CFAP58: variants seen among roughly 807,000 people sequenced by gnomAD.
CFAP58 encodes cilia and flagella associated protein 58, also known as cilia- and flagella-associated protein 58.
A neutral mutation model predicts 119.5 loss-of-function variants in CFAP58; 88 were observed. The ratio of observed to expected loss-of-function variants is 0.74; its 90% CI spans 0.62 to 0.88. The LOEUF is 0.88. CFAP58 is among the 40% of genes least tolerant of loss of function. The probability of loss-of-function intolerance (pLI) is 0.00; values close to 1 mark genes in which losing one functional copy is unlikely to be tolerated. For missense variants in CFAP58, 990 were observed against 1,021.2 expected (o/e 0.97, Z 0.42); for synonymous variants, 365 against 366.3 (o/e 1.00, Z 0.04).
At chr10:104,338,669 G>C in the CFAP58 span, among the ~76,000 whole-genome samples, 1 of 152,132 alleles carries the variant, frequency 6.6e-6, no homozygotes, top group Admixed American at 6.5e-5. Context: ...CAGGCCAGTG[G>C]AGTAAACTGG....
intron 15 of CFAP58, among the ~76,000 whole-genome samples, chr10:104,435,991 C>T (rs561276431): frequency 1.3e-5 from 2 of 152,178 alleles, no homozygotes; most frequent in South Asian, 4.2e-4. Context: ...GAGTCATTTC[C>T]GACTCCTCCC....
chr10:104,357,808 T>TATGTACACATATACAC (rs2014566094), intron 1 of CFAP58, among the ~76,000 whole-genome samples: 1 of 137,284 alleles, frequency 7.3e-6, no homozygotes, highest in African/African-American at 3.4e-5. Flanking sequence ...TATACACACA[T>TATGTACACATATACAC]ATATATGTAC....
Position 104,392,263 on chromosome 10 carries a change from C to G in CFAP58, c.1396C>G (p.Arg466Gly). 1 of 1,611,142 alleles carries G rather than the reference C, an allele frequency of 6.2e-7. No individual in the cohort carries two copies. The change falls in exon 10 of 18, where the codon CGT becomes GGT. Residue 466 changes from arginine (R) to glycine (G), a missense_variant. By Grantham distance (125) the Arg-to-Gly change is moderately radical. Coordinates refer to ENST00000369704, the MANE Select transcript of CFAP58 (RefSeq NM_001008723.2). ...VLMNMEDIKV[R>G]ETQIFDYRKK... Reference sequence around the variant, plus strand: ...TATGAACATGGAAGACATAAAAGTTCGTGAAACACAGATTTTTGACTACAG... The same window carrying G: ...TATGAACATGGAAGACATAAAAGTTGGTGAAACACAGATTTTTGACTACAG...
chr10:104,404,273 C>T (rs1212523073), intron 14 of CFAP58, among the ~76,000 whole-genome samples: 1 of 152,172 alleles, frequency 6.6e-6, no homozygotes, highest in African/African-American at 2.4e-5. Flanking sequence ...TTGTGAACTG[C>T]CCTCTTTTTG....
chr10:104,404,155 G>T (rs1377838779), intron 14 of CFAP58, among the ~76,000 whole-genome samples: 1 of 152,194 alleles, frequency 6.6e-6, no homozygotes, highest in East Asian at 1.9e-4. Flanking sequence ...TCCTAAGGCT[G>T]CCTGTTAGTC....
Position 104,418,121 on chromosome 10 carries a change from C to T in CFAP58, c.2256+11328C>T, listed in dbSNP as rs78294025. ...GCACACAGCCAGGCTCATTCATTCA[C>T]GGAACATCACAGTTGCTTCTGTGCT... On this transcript the variant is annotated intron_variant, in intron 15 of 17. Transcript: ENST00000369704. Among the ~76,000 whole-genome samples the T allele has an allele frequency of 0.013, 1,993 of 152,322 alleles. 79 individuals carry two copies. The East Asian group carries it at 0.15, about 11-fold the overall frequency.
In CFAP58 at chr10:104,358,588, A is replaced by G. The variant is rs776470434; in HGVS notation, c.257A>G (p.Gln86Arg). 7 of 1,613,864 alleles carry G rather than the reference A, an allele frequency of 4.3e-6. 1 individual carries two copies. In the African/African-American group the frequency reaches 8.0e-5, roughly 18 times the overall value. The change falls in exon 2 of 18, where the codon CAG becomes CGG. Residue 86 changes from glutamine (Q) to arginine (R), a missense_variant. Physicochemically the swap from Gln to Arg is conservative, Grantham distance 43. Coordinates refer to ENST00000369704, the MANE Select transcript of CFAP58 (RefSeq NM_001008723.2). The stretch of plus-strand genomic sequence containing the variant: ...GTCGCCACTGCCCTTAAGCTCTCTC[A>G]GGATGATCAGACCACCATTGCATCC... Reference protein sequence around the residue: ...AKVATALKLSQDDQTTIASLK... With the variant: ...AKVATALKLSRDDQTTIASLK...
At chr10:104,355,503 C>T (rs2014532226) in intron 1 of CFAP58, among the ~76,000 whole-genome samples, 1 of 152,330 alleles carries the variant, frequency 6.6e-6, no homozygotes, top group South Asian at 2.1e-4. Context: ...CCAACTTTCT[C>T]GATTCTGCTT....
intron 15 of CFAP58, among the ~76,000 whole-genome samples, chr10:104,432,622 C>T (rs997386131): frequency 1.3e-5 from 2 of 152,080 alleles, no homozygotes. Context: ...CCTGCCTCAG[C>T]CTCCTGAGTA....
intron 9 of CFAP58, among the ~76,000 whole-genome samples, chr10:104,391,575 G>A (rs550836050): frequency 6.6e-6 from 1 of 152,192 alleles, no homozygotes; most frequent in African/African-American, 2.4e-5. Flanking sequence ...CATTGCTACT[G>A]TGTGCATGGC....
chr10:104,399,781 G>A (rs377696510), intron 12 of CFAP58, among the ~76,000 whole-genome samples: 3 of 151,890 alleles, frequency 2.0e-5, no homozygotes, highest in African/African-American at 7.3e-5. Flanking sequence ...GTATAATACA[G>A]TTGCTCACAT....
intron 9 of CFAP58, among the ~76,000 whole-genome samples, chr10:104,383,863 AT>A (rs1445485788): frequency 6.6e-5 from 10 of 152,260 alleles, no homozygotes; most frequent in Non-Finnish European, 1.3e-4. Context: ...GCTGGGGAAG[AT>A]GTCATGAAAC....
chr10:104,386,386 A>T (rs79067812), intron 9 of CFAP58, among the ~76,000 whole-genome samples: 1,651 of 149,882 alleles, frequency 0.011, 15 homozygotes, highest in Non-Finnish European at 0.016. Flanking sequence ...TCAAAAAAAA[A>T]AAAATAAATA....
chr10:104,427,501 G>A (rs2133074937), intron 15 of CFAP58, among the ~76,000 whole-genome samples: 1 of 152,236 alleles, frequency 6.6e-6, no homozygotes, highest in East Asian at 1.9e-4. Context: ...GATGTTGATG[G>A]AAGGATCTAA....
At chr10:104,425,953 G>T (rs1564900907) in intron 15 of CFAP58, among the ~76,000 whole-genome samples, 1 of 152,286 alleles carries the variant, frequency 6.6e-6, no homozygotes, top group South Asian at 2.1e-4. Flanking sequence ...GACCAACATA[G>T]ACTGGGTGCT....
chr10:104,347,455 C>T, the CFAP58 span, among the ~76,000 whole-genome samples: 2 of 152,094 alleles, frequency 1.3e-5, no homozygotes, highest in Non-Finnish European at 2.9e-5. Context: ...GCTCTGTCAT[C>T]TAAGGTGACC....
chr10:104,377,665 A>G (rs2011698308), intron 8 of CFAP58, among the ~76,000 whole-genome samples: 1 of 152,188 alleles, frequency 6.6e-6, no homozygotes, highest in Non-Finnish European at 1.5e-5. Flanking sequence ...CACGGCCAAG[A>G]CAGTTTCATC....
chr10:104,444,789 T>G (rs1444691763), intron 15 of CFAP58, among the ~76,000 whole-genome samples: 1 of 152,232 alleles, frequency 6.6e-6, no homozygotes, highest in African/African-American at 2.4e-5. Context: ...CCTCTGCTCT[T>G]CATGTATTCC....
intron 15 of CFAP58, among the ~76,000 whole-genome samples, chr10:104,428,345 G>A (rs1345268227): frequency 6.6e-6 from 1 of 152,166 alleles, no homozygotes; most frequent in African/African-American, 2.4e-5. Context: ...GGGAAGAGAT[G>A]TGAGACAATG....
Sources: gnomAD v4.1 joint callset for allele counts (sites outside exome capture counted in the v4.1 genomes callset) on GRCh38, gnomAD v4.1.1 for gene constraint, MANE v1.5 for transcripts, NCBI Gene and HGNC (gene_info 2026-07-23, HGNC 2026-07-21) for gene names.